Variants in WDR25 observed in about 807,000 individuals in gnomAD.
WDR25 encodes the protein WD repeat domain 25.
WDR25 carries 35 observed loss-of-function variants against 47.7 expected under a neutral mutation model. That is an observed-to-expected ratio of 0.73 (90% CI 0.56 to 0.97). The LOEUF is 0.97. Ranked by LOEUF, WDR25 falls within the 50% of genes least tolerant of loss-of-function variation. WDR25 has a pLI of 0.00. For missense variants in WDR25, 634 were observed against 704.7 expected, an observed-to-expected ratio of 0.90 and a Z score of 1.14; for synonymous variants, 248 against 278.9, an observed-to-expected ratio of 0.89 and a Z score of 1.10.
In WDR25 at chr14:100,529,173, C is replaced by T. The variant is rs372989730; in HGVS notation, c.1378C>T (p.Arg460Trp). 4 of 1,612,732 alleles carry T rather than the reference C, an allele frequency of 2.5e-6. No homozygotes were observed. Among genetic ancestry groups the T allele is most frequent in the East Asian group, 4.5e-5 (2 of 44,828 alleles). Residue 460 changes from arginine to tryptophan, a missense_variant, in exon 6 of 7, where the codon CGG becomes TGG. Physicochemically the swap from Arg to Trp is moderately radical, Grantham distance 101 (BLOSUM62 -3). Transcript: ENST00000402312. The surrounding 1 kb of genome is among the most constrained non-coding windows in gnomAD (Gnocchi z 5.1). ...LALFSTVWPY[R>W]MSRRRRYEGH... is the part of the protein sequence containing the mutation. ...CCTTTTCTCCACTGTGTGGCCCTAC[C>T]GGATGAGCAGACGGCGGCGCTATGA...
chr14:100,397,957 G>C (rs1390308822), intron 2 of WDR25, among the ~76,000 whole-genome samples: 1 of 152,204 alleles, frequency 6.6e-6, no homozygotes, highest in Non-Finnish European at 1.5e-5. Flanking sequence ...TCCTGCCTCA[G>C]CCTCCTGAGT....
intron 2 of WDR25, among the ~76,000 whole-genome samples, chr14:100,405,988 G>A (rs753772116): frequency 2.0e-4 from 30 of 152,178 alleles, no homozygotes; most frequent in Non-Finnish European, 1.6e-4. Context: ...CCTGGGTCCA[G>A]CTCAGAATGG....
At position 100,488,610 on chromosome 14, in the gene WDR25, GT is replaced by G. The variant is rs1008375322; in HGVS notation, c.1101+4488del. 6.6e-6 allele frequency among the ~76,000 whole-genome samples: 1 copy of G among 152,168 alleles called. No individual in the cohort carries two copies. The highest frequency in any genetic ancestry group is 2.4e-5 in the African/African-American group (1 of 41,436). On this transcript the variant is annotated intron_variant, in intron 4 of 6. Coordinates refer to ENST00000402312, the MANE Select transcript of WDR25 (RefSeq NM_001161476.3). This position sits in a 1 kb window ranked among gnomAD's most constrained non-coding sequence, Gnocchi z 4.2. Reference sequence around the variant, plus strand: ...TGTGTAGGAGAGCACCTGGGCTCTTGTTAGGATGCAGATTCTGTTTCAGCAG... The same window carrying G: ...TGTGTAGGAGAGCACCTGGGCTCTTGTAGGATGCAGATTCTGTTTCAGCAG...
chr14:100,526,150 C>G (rs1440610566), intron 5 of WDR25, 110 bp downstream of exon 5: 4 of 1,331,990 alleles, frequency 3.0e-6, no homozygotes, highest in African/African-American at 1.5e-5. Context: ...GCTCACTGGA[C>G]TGAAATCTCC....
At chr14:100,433,911 T>C (rs759947632) in intron 2 of WDR25, among the ~76,000 whole-genome samples, 19 of 152,124 alleles carry the variant, frequency 1.2e-4, no homozygotes, top group African/African-American at 1.9e-4. Flanking sequence ...TGGTTCCTTT[T>C]AGTGGAGAAA....
intron 2 of WDR25, among the ~76,000 whole-genome samples, chr14:100,448,210 A>G (rs1898903359): frequency 6.6e-6 from 1 of 151,716 alleles, no homozygotes. Flanking sequence ...AAAAAAAAAA[A>G]AAGAAGATTT....
At chr14:100,519,936 CT>C (rs1901656912) in intron 4 of WDR25, among the ~76,000 whole-genome samples, 1 of 136,612 alleles carries the variant, frequency 7.3e-6, no homozygotes. Context: ...TATATATACA[CT>C]ATAGTATAAA....
Position 100,392,654 on chromosome 14 carries a change from C to T in WDR25, c.822+10908C>T, listed in dbSNP as rs961372367. Among the ~76,000 whole-genome samples, 1 of 152,124 alleles carries T rather than the reference C, an allele frequency of 6.6e-6. No individual in the cohort carries two copies. The highest frequency in any genetic ancestry group is 6.5e-5 in the Admixed American group (1 of 15,276). On this transcript the variant is annotated intron_variant, in intron 2 of 6. Transcript: ENST00000402312. The surrounding 1 kb of genome is among the most constrained non-coding windows in gnomAD (Gnocchi z 4.2). ...TTCCATTTAACATTCTCTCCCAGCC[C>T]TGCCCGCGCCACACTGTGCCACCAG... is the stretch of plus-strand genomic sequence containing the variant.
intron 2 of WDR25, among the ~76,000 whole-genome samples, chr14:100,384,972 G>A (rs1210642156): frequency 1.3e-5 from 2 of 152,156 alleles, no homozygotes; most frequent in Non-Finnish European, 2.9e-5. Flanking sequence ...AACATGCCTC[G>A]CTGGGTTTTT....
chr14:100,405,302 C>T (rs1404683919), intron 2 of WDR25, among the ~76,000 whole-genome samples: 1 of 152,132 alleles, frequency 6.6e-6, no homozygotes, highest in African/African-American at 2.4e-5. Flanking sequence ...GCTGGGATTA[C>T]AGGCATGCAC....
intron 3 of WDR25, among the ~76,000 whole-genome samples, chr14:100,475,324 AC>A (rs2140306962): frequency 6.6e-6 from 1 of 152,228 alleles, no homozygotes; most frequent in East Asian, 1.9e-4. Context: ...GGATCTCTGC[AC>A]CCCCGTATTC....
chr14:100,480,305 A>G (rs1275288643), intron 3 of WDR25, among the ~76,000 whole-genome samples: 1 of 152,230 alleles, frequency 6.6e-6, no homozygotes, highest in Admixed American at 6.5e-5. Context: ...AAGAGTGACC[A>G]TGAAAATCTC....
Position 100,376,862 on chromosome 14 carries a change from C to G in WDR25, c.-16+367C>G. 3 of 763,850 alleles carry G rather than the reference C, an allele frequency of 3.9e-6. No individual in the cohort carries two copies. In the East Asian group the frequency reaches 1.3e-4, roughly 32 times the overall value. 47.3% of individuals were successfully genotyped at this position (763,850 alleles called of 1,614,324 possible). A position where few individuals can be genotyped will look rare whatever the true frequency, so the allele number is the denominator to read the frequency against. On this transcript the variant is annotated intron_variant, in intron 1 of 6. Coordinates refer to ENST00000402312, the MANE Select transcript of WDR25 (RefSeq NM_001161476.3). ...TGGGAATATCCTATTTCTTTTACTT[C>G]CTAGCATCTCCCCCTCCCACCCGTT...
intron 2 of WDR25, among the ~76,000 whole-genome samples, chr14:100,385,151 C>T (rs1292102199): frequency 6.6e-6 from 1 of 152,190 alleles, no homozygotes; most frequent in Non-Finnish European, 1.5e-5. Flanking sequence ...ATCAGCTTCA[C>T]CTACTAGACT....
chr14:100,381,133 G>C lies in WDR25; in HGVS notation c.209G>C (p.Cys70Ser). Reference protein sequence around the residue: ...AGAQPTKHGSCEDPGGYRLPL... With the variant: ...AGAQPTKHGSSEDPGGYRLPL... The stretch of plus-strand genomic sequence containing the variant: ...GCACAGCCCACAAAGCATGGCTCCT[G>C]TGAAGACCCAGGGGGCTATCGCCTT... The change falls in exon 2 of 7, where the codon TGT (cysteine) becomes TCT (serine). Residue 70 changes from cysteine (C) to serine (S), a missense_variant. Transcript: ENST00000402312. The C allele has an allele frequency of 1.2e-6, 2 of 1,614,216 alleles. No individual in the cohort carries two copies. The highest frequency in any genetic ancestry group is 1.7e-6 in the Non-Finnish European group (2 of 1,180,034).
intron 2 of WDR25, chr14:100,455,593 A>C (rs1227537704): frequency 6.6e-6 from 1 of 152,188 alleles, no homozygotes; most frequent in African/African-American, 2.4e-5. Context: ...ATACAAAGAA[A>C]ACCACACCTA....
chr14:100,480,354 A>G (rs1275968227), intron 3 of WDR25, among the ~76,000 whole-genome samples: 1 of 152,248 alleles, frequency 6.6e-6, no homozygotes, highest in Non-Finnish European at 1.5e-5. Flanking sequence ...AAAATAGTCA[A>G]GGGGCTTGTG....
At chr14:100,403,121 C>T (rs554482564) in intron 2 of WDR25, among the ~76,000 whole-genome samples, 6 of 152,274 alleles carry the variant, frequency 3.9e-5, no homozygotes, top group South Asian at 2.1e-4. Flanking sequence ...AGCTTCCTCT[C>T]GGGGAAGAGA....
At chr14:100,481,097 A>C in intron 3 of WDR25, 1 of 417,726 alleles carries the variant, frequency 2.4e-6, no homozygotes, top group Admixed American at 3.1e-5. Flanking sequence ...TTCAGACAAA[A>C]AAGTGCAAAA....
Sources: gnomAD v4.1 joint callset for allele counts (sites outside exome capture counted in the v4.1 genomes callset) on GRCh38, gnomAD v4.1.1 for gene constraint, Gnocchi (gnomAD v3.1) non-coding constraint, MANE v1.5 for transcripts, NCBI Gene and HGNC (gene_info 2026-07-23, HGNC 2026-07-21) for gene names.